The following TP63 variants were observed in gnomAD, a reference collection of about 807,000 sequenced individuals.
TP63 encodes the protein tumor protein p63.
A neutral mutation model predicts 82.8 loss-of-function variants in TP63; 17 were observed. The observed-to-expected ratio is 0.21, with a 90% CI of 0.14 to 0.31. TP63 has a LOEUF of 0.31. Among genes scored for constraint, TP63 ranks in the 10% least tolerant of loss-of-function variants. The pLI, the probability that TP63 is intolerant of heterozygous loss-of-function variation, is 1.00. For synonymous variants in TP63, 330 were observed against 321.7 expected (o/e 1.03, Z -0.28); for missense variants, 648 against 895.3 (o/e 0.72, Z 3.52).
At chr3:189,662,439 A>G (rs1387964008) in intron 1 of TP63, among the ~76,000 whole-genome samples, 1 of 151,826 alleles carries the variant, frequency 6.6e-6, no homozygotes, top group Non-Finnish European at 1.5e-5. Flanking sequence ...TATCGTTGGT[A>G]TTATTTCAGT....
chr3:189,850,938 T>C (rs1422432168), intron 4 of TP63, among the ~76,000 whole-genome samples: 2 of 152,210 alleles, frequency 1.3e-5, no homozygotes, highest in African/African-American at 4.8e-5. Flanking sequence ...TTTAGCAGAC[T>C]TTTACTATGT....
chr3:189,885,199 A>C (rs1720316448), intron 10 of TP63, among the ~76,000 whole-genome samples: 1 of 152,198 alleles, frequency 6.6e-6, no homozygotes, highest in Admixed American at 6.5e-5. Context: ...CACTTGCTTA[A>C]AGTCCAGTCT....
At chr3:189,640,167 CT>C (rs1350981830) in intron 1 of TP63, among the ~76,000 whole-genome samples, 1 of 152,020 alleles carries the variant, frequency 6.6e-6, no homozygotes, top group African/African-American at 2.4e-5. Context: ...TTTCTTACAA[CT>C]TTTCCATGAC....
intron 8 of TP63, among the ~76,000 whole-genome samples, 196 bp downstream of exon 8, chr3:189,868,912 G>A (rs1295595115): frequency 2.0e-5 from 3 of 152,140 alleles, no homozygotes; most frequent in Admixed American, 6.5e-5. Flanking sequence ...ACAAAAACAA[G>A]TAGTCATTGT....
chr3:189,725,766 A>G (rs1247703066), intron 1 of TP63, among the ~76,000 whole-genome samples: 8 of 152,118 alleles, frequency 5.3e-5, no homozygotes, highest in Non-Finnish European at 1.2e-4. Context: ...ATGTAAAATT[A>G]TTTTGCAGGC....
At chr3:189,885,776 C>T (rs1158134487) in intron 10 of TP63, among the ~76,000 whole-genome samples, 2 of 152,122 alleles carry the variant, frequency 1.3e-5, no homozygotes, top group East Asian at 3.9e-4. Context: ...CAGCGTTCTC[C>T]TGTGTAGAAA....
intron 1 of TP63, among the ~76,000 whole-genome samples, chr3:189,637,560 T>G (rs1266312327): frequency 1.3e-5 from 2 of 152,110 alleles, no homozygotes; most frequent in Non-Finnish European, 2.9e-5. Context: ...AGCAAAATAG[T>G]AACAGAACCA....
the TP63 span, among the ~76,000 whole-genome samples, chr3:189,621,955 T>C: frequency 6.6e-6 from 1 of 152,180 alleles, no homozygotes; most frequent in Admixed American, 6.5e-5. Context: ...GCACTTTAAA[T>C]TTACCTCGTA....
intron 1 of TP63, among the ~76,000 whole-genome samples, chr3:189,723,028 A>G (rs963273833): frequency 6.6e-6 from 1 of 152,244 alleles, no homozygotes; most frequent in Admixed American, 6.5e-5. Context: ...CATTTGAAAC[A>G]GAATCTCTTG....
At chr3:189,787,485 T>A (rs1724703681) in intron 3 of TP63, among the ~76,000 whole-genome samples, 1 of 151,992 alleles carries the variant, frequency 6.6e-6, no homozygotes, top group South Asian at 2.1e-4. Context: ...GTAGCCATAG[T>A]GGATATATTG....
chr3:189,659,044 A>T (rs1713644218), intron 1 of TP63, among the ~76,000 whole-genome samples: 1 of 152,078 alleles, frequency 6.6e-6, no homozygotes, highest in Admixed American at 6.6e-5. Flanking sequence ...AAGTTTATTA[A>T]CTTATTTATT....
intron 1 of TP63, among the ~76,000 whole-genome samples, chr3:189,667,220 A>T (rs1378970749): frequency 7.0e-6 from 1 of 141,954 alleles, no homozygotes; most frequent in African/African-American, 2.7e-5. Context: ...CACCCAGGCG[A>T]GAGTAGTACA....
chr3:189,891,222 T>C (rs1720985352), intron 13 of TP63, among the ~76,000 whole-genome samples: 2 of 152,230 alleles, frequency 1.3e-5, no homozygotes, highest in South Asian at 4.1e-4. Context: ...TGCTCATTAA[T>C]CTGTATCAGT....
intron 5 of TP63, among the ~76,000 whole-genome samples, chr3:189,866,358 T>C (rs1717724392): frequency 6.6e-6 from 1 of 152,192 alleles, no homozygotes. Context: ...TCCAGGAAGC[T>C]GGCAAAATTT....
intron 1 of TP63, among the ~76,000 whole-genome samples, chr3:189,635,870 C>A (rs1729745474): frequency 6.6e-6 from 1 of 151,962 alleles, no homozygotes; most frequent in African/African-American, 2.4e-5. Flanking sequence ...AAGAAGACTT[C>A]CAAAATAATT....
intron 4 of TP63, chr3:189,844,062 C>T (rs1714521910): frequency 4.4e-6 from 1 of 225,658 alleles, no homozygotes; most frequent in Non-Finnish European, 9.2e-6. Flanking sequence ...CATTCACCCC[C>T]CCTACTTTTT....
chr3:189,624,085 T>A, the TP63 span, among the ~76,000 whole-genome samples: 1 of 152,218 alleles, frequency 6.6e-6, no homozygotes, highest in African/African-American at 2.4e-5. Context: ...CATTGATGTT[T>A]ATGCTGAGTA....
intron 4 of TP63, among the ~76,000 whole-genome samples, chr3:189,849,631 C>CT (rs943282993): frequency 5.3e-5 from 8 of 151,536 alleles, no homozygotes; most frequent in South Asian, 2.1e-4. Context: ...TCTCCTTTTG[C>CT]TTTTTTTTCA....
chr3:189,857,533 G>A (rs6444402), intron 4 of TP63, among the ~76,000 whole-genome samples: 29,300 of 151,904 alleles, frequency 0.19, 4,427 homozygotes, highest in African/African-American at 0.43. Flanking sequence ...GGGAAAGCAG[G>A]AAAAAAGCCA....
Sources: gnomAD v4.1 joint callset for allele counts (sites outside exome capture counted in the v4.1 genomes callset) on GRCh38, gnomAD v4.1.1 for gene constraint, MANE v1.5 for transcripts, NCBI Gene and HGNC (gene_info 2026-07-23, HGNC 2026-07-21) for gene names.